Variants in TRPS1 observed in about 807,000 individuals in gnomAD.
The protein encoded by TRPS1 is transcriptional repressor GATA binding 1.
Under a neutral mutation model 101.2 loss-of-function variants are expected in TRPS1, and 6 were observed. The ratio of observed to expected loss-of-function variants is 0.06; its 90% CI spans 0.03 to 0.12. The LOEUF (loss-of-function observed/expected upper bound fraction) is 0.12, where lower values mean the gene tolerates loss of function less well. Among genes scored for constraint, TRPS1 ranks in the 10% least tolerant of loss-of-function variants. The pLI is 1.00. For missense variants in TRPS1, 1,363 were observed against 1,567.0 expected (o/e 0.87, Z 2.20); for synonymous variants, 578 against 589.8 (o/e 0.98, Z 0.29).
chr8:115,628,928 A>C (rs895260451), intron 1 of TRPS1, among the ~76,000 whole-genome samples: 1 of 151,896 alleles, frequency 6.6e-6, no homozygotes, highest in Non-Finnish European at 1.5e-5. Flanking sequence ...CACAATGTAC[A>C]TTAGCGTTTA....
At chr8:115,486,186 G>T (rs1455935481) in intron 5 of TRPS1, among the ~76,000 whole-genome samples, 1 of 152,104 alleles carries the variant, frequency 6.6e-6, no homozygotes, top group Non-Finnish European at 1.5e-5. Flanking sequence ...TATTACTATA[G>T]TATCTTTTAT....
intron 5 of TRPS1, among the ~76,000 whole-genome samples, chr8:115,575,316 A>C (rs2130409671): frequency 6.6e-6 from 1 of 152,252 alleles, no homozygotes; most frequent in South Asian, 2.1e-4. Flanking sequence ...CTGCTATAAA[A>C]CAGCGTGTAA....
rs1811428394 is a variant in TRPS1, at chr8:115,647,090, T to TCATA, written c.-122+21451_-122+21454dup. 2.0e-5 allele frequency among the ~76,000 whole-genome samples: 3 copies of TCATA among 152,248 alleles called. No individual in the cohort carries two copies. In the South Asian group the frequency reaches 6.2e-4, roughly 32 times the overall value. On this transcript the variant is annotated intron_variant, in intron 1 of 6. Transcript: ENST00000395715. ...GTTAAAATGGCCACCTCACATCCAG[T>TCATA]CATATATCAACTATTTTCTTTACCT...
At chr8:115,624,696 G>A (rs1818467001) in intron 1 of TRPS1, among the ~76,000 whole-genome samples, 1 of 151,816 alleles carries the variant, frequency 6.6e-6, no homozygotes, top group African/African-American at 2.4e-5. Flanking sequence ...AAAAATAGGA[G>A]TGCACTATTT....
intron 1 of TRPS1, chr8:115,661,681 G>A (rs1405317780): frequency 6.6e-6 from 1 of 151,836 alleles, no homozygotes; most frequent in Non-Finnish European, 1.5e-5. Context: ...AGAATGGTTT[G>A]CGGCAAAATC....
chr8:115,442,793 C>G (rs1352110159), intron 5 of TRPS1, among the ~76,000 whole-genome samples: 1 of 150,830 alleles, frequency 6.6e-6, no homozygotes, highest in African/African-American at 2.4e-5. Context: ...GAAACCCTGT[C>G]TCTACTAAAA....
rs537217795 is a variant in TRPS1 at position 115,616,893 on chromosome 8, TA to T, written c.966+2238del. Among the ~76,000 whole-genome samples, 658 of 152,314 alleles carry T rather than the reference TA, an allele frequency of 4.3e-3. 7 individuals carry two copies. Among genetic ancestry groups the T allele is most frequent in the Non-Finnish European group, 6.0e-3 (409 of 68,020 alleles). On this transcript the variant is annotated intron_variant, in intron 3 of 6. Coordinates refer to ENST00000395715, the MANE Select transcript of TRPS1 (RefSeq NM_014112.5). ...CATTTCAGTAACATAAACTTGTTGG[TA>T]TAAAAGGAAATTTCAGATGCGTTTT...
At chr8:115,625,387 C>T (rs1278122385) in intron 1 of TRPS1, among the ~76,000 whole-genome samples, 1 of 151,898 alleles carries the variant, frequency 6.6e-6, no homozygotes, top group Non-Finnish European at 1.5e-5. Flanking sequence ...CTCTGTGACT[C>T]TACAATAGTT....
At chr8:115,558,087 C>T (rs1479982608) in intron 5 of TRPS1, among the ~76,000 whole-genome samples, 3 of 138,858 alleles carry the variant, frequency 2.2e-5, no homozygotes, top group South Asian at 2.2e-4. Context: ...ACAAAACAGA[C>T]AGGAAAAAAA....
chr8:115,523,361 G>T (rs1206140376), intron 5 of TRPS1, among the ~76,000 whole-genome samples: 1 of 151,962 alleles, frequency 6.6e-6, no homozygotes, highest in Non-Finnish European at 1.5e-5. Flanking sequence ...TAAGACTTGG[G>T]GTATGTAATG....
intron 5 of TRPS1, among the ~76,000 whole-genome samples, chr8:115,508,387 A>C (rs1433233901): frequency 6.6e-6 from 1 of 152,090 alleles, no homozygotes; most frequent in Admixed American, 6.6e-5. Flanking sequence ...CTGAAATAAA[A>C]ATTCTCTACA....
intron 5 of TRPS1, among the ~76,000 whole-genome samples, chr8:115,486,682 C>A (rs1814888060): frequency 6.6e-6 from 1 of 152,150 alleles, no homozygotes; most frequent in African/African-American, 2.4e-5. Flanking sequence ...TCAAACCAGC[C>A]ACAATATTCC....
At chr8:115,459,278 C>G (rs1344424257) in intron 5 of TRPS1, among the ~76,000 whole-genome samples, 1 of 151,926 alleles carries the variant, frequency 6.6e-6, no homozygotes, top group African/African-American at 2.4e-5. Context: ...GAGCAGAGAT[C>G]GCGCCACTGC....
intron 4 of TRPS1, among the ~76,000 whole-genome samples, chr8:115,593,182 T>A (rs1817715661): frequency 6.6e-6 from 1 of 152,122 alleles, no homozygotes; most frequent in Admixed American, 6.6e-5. Flanking sequence ...ACCTTCTGAG[T>A]CAACATTCAC....
intron 1 of TRPS1, among the ~76,000 whole-genome samples, chr8:115,667,626 A>C (rs953396781): frequency 4.3e-4 from 65 of 152,166 alleles, no homozygotes; most frequent in African/African-American, 1.5e-3. Flanking sequence ...AGGCCCTGCC[A>C]CATGGTACGG....
chr8:115,557,657 C>T (rs1816853811), intron 5 of TRPS1, among the ~76,000 whole-genome samples: 1 of 152,250 alleles, frequency 6.6e-6, no homozygotes, highest in African/African-American at 2.4e-5. Context: ...TGCCTAAGGC[C>T]TTCCCAGCCA....
At chr8:115,430,906 A>G (rs1385954359) in intron 5 of TRPS1, among the ~76,000 whole-genome samples, 1 of 152,044 alleles carries the variant, frequency 6.6e-6, no homozygotes, top group Non-Finnish European at 1.5e-5. Flanking sequence ...GAATAAATAT[A>G]ATTGGTTATA....
Position 115,481,949 on chromosome 8 carries a change from T to A in TRPS1, c.2701-63497A>T, listed in dbSNP as rs190737100. Among the ~76,000 whole-genome samples, 12 of 152,282 alleles carry A rather than the reference T, an allele frequency of 7.9e-5. No individual in the cohort carries two copies. The East Asian group carries it at 2.3e-3, about 29-fold the overall frequency. On this transcript the variant is annotated intron_variant, in intron 5 of 6. Transcript: ENST00000395715. The stretch of plus-strand genomic sequence containing the variant: ...CGGTAAGTTTAGGAAGACAGTATAA[T>A]GGTACAAATGAACAGAATACAGGGC...
chr8:115,603,360 T>C (rs2130488561), intron 4 of TRPS1, among the ~76,000 whole-genome samples: 1 of 152,318 alleles, frequency 6.6e-6, no homozygotes, highest in South Asian at 2.1e-4. Flanking sequence ...TTACTGTTTG[T>C]ATGCTAAACA....
Sources: allele counts gnomAD v4.1 joint callset (sites outside exome capture counted in the v4.1 genomes callset), GRCh38; gene constraint gnomAD v4.1.1; transcripts MANE v1.5; gene names NCBI Gene and HGNC (gene_info 2026-07-23, HGNC 2026-07-21).